The following LAMA2 variants were observed in gnomAD, a reference collection of about 807,000 sequenced individuals.
LAMA2 encodes laminin subunit alpha-2.
Under a neutral mutation model 364.8 loss-of-function variants are expected in LAMA2, and 269 were observed. That is an observed-to-expected ratio of 0.74 (90% confidence interval 0.67 to 0.82). The LOEUF (loss-of-function observed/expected upper bound fraction) is 0.82. LAMA2 is among the 40% of genes least tolerant of loss of function. The pLI is 0.00. For synonymous variants in LAMA2, 1,379 were observed against 1,370.6 expected, an observed-to-expected ratio of 1.01 and a Z score of -0.14; for missense variants, 3,807 against 3,873.2, an observed-to-expected ratio of 0.98 and a Z score of 0.45.
intron 1 of LAMA2, among the ~76,000 whole-genome samples, chr6:128,959,661 C>A (rs544182566): frequency 6.6e-6 from 1 of 152,082 alleles, no homozygotes; most frequent in Non-Finnish European, 1.5e-5. Context: ...CCCAATGAGC[C>A]GCCTCTTGTC....
chr6:129,026,911 A>G (rs1393934550), intron 1 of LAMA2, among the ~76,000 whole-genome samples: 4 of 152,076 alleles, frequency 2.6e-5, no homozygotes, highest in African/African-American at 9.7e-5. Flanking sequence ...TGGTGTTTTG[A>G]CAGCCATCTG....
intron 12 of LAMA2, among the ~76,000 whole-genome samples, chr6:129,206,890 C>T (rs1388113220): frequency 6.6e-6 from 1 of 152,186 alleles, no homozygotes; most frequent in Non-Finnish European, 1.5e-5. Context: ...TGCTTATCTC[C>T]TTGAGGCACA....
intron 4 of LAMA2, among the ~76,000 whole-genome samples, chr6:129,125,352 G>A (rs1268119348): frequency 9.2e-5 from 14 of 152,112 alleles, no homozygotes; most frequent in Admixed American, 3.3e-4. Flanking sequence ...TTAAAGATAC[G>A]AATTAGAGAA....
chr6:129,252,609 C>T lies in LAMA2; in HGVS notation c.2096+314C>T, dbSNP rs149822613. On this transcript the variant is annotated intron_variant, in intron 14 of 64. Transcript: ENST00000421865. ...AAGTCTCCTTTATGATGGCTCATAG[C>T]GTGGGAAGCTAAAAAGATATAAATT... 3.0e-3 allele frequency among the ~76,000 whole-genome samples: 457 copies of T among 152,122 alleles called. 1 individual carries two copies. Among genetic ancestry groups the T allele is most frequent in the Non-Finnish European group, 5.4e-3 (370 of 67,996 alleles).
chr6:129,425,451 A>T (rs554879185), intron 40 of LAMA2, among the ~76,000 whole-genome samples: 166 of 151,810 alleles, frequency 1.1e-3, no homozygotes, highest in African/African-American at 3.9e-3. Context: ...CTTGTATTTT[A>T]GGTTCAAAGG....
intron 4 of LAMA2, among the ~76,000 whole-genome samples, chr6:129,136,541 A>G (rs981343239): frequency 6.6e-6 from 1 of 151,964 alleles, no homozygotes; most frequent in Non-Finnish European, 1.5e-5. Flanking sequence ...GGGAGAGAAG[A>G]GACATGTTCT....
intron 29 of LAMA2, among the ~76,000 whole-genome samples, chr6:129,338,462 C>A (rs575203856): frequency 4.1e-4 from 63 of 152,276 alleles, no homozygotes; most frequent in Admixed American, 7.2e-4. Context: ...TGGAATGGCT[C>A]TTTTATTGCT....
At chr6:129,101,772 A>C (rs368850090) in intron 4 of LAMA2, among the ~76,000 whole-genome samples, 1 of 152,158 alleles carries the variant, frequency 6.6e-6, no homozygotes, top group East Asian at 1.9e-4. Context: ...TTTAGATTGT[A>C]CCTTTTTATT....
chr6:128,954,477 A>G (rs1186807463), intron 1 of LAMA2, among the ~76,000 whole-genome samples: 1 of 152,108 alleles, frequency 6.6e-6, no homozygotes, highest in African/African-American at 2.4e-5. Flanking sequence ...CTCTTTAAAA[A>G]AAATACCTGC....
At chr6:129,299,020 T>C (rs1223145630) in intron 21 of LAMA2, among the ~76,000 whole-genome samples, 5 of 152,100 alleles carry the variant, frequency 3.3e-5, no homozygotes, top group Admixed American at 1.3e-4. Context: ...GGTAGTATTA[T>C]ACATTTAAAT....
At chr6:128,910,978 G>A (rs1777889334) in intron 1 of LAMA2, among the ~76,000 whole-genome samples, 1 of 151,128 alleles carries the variant, frequency 6.6e-6, no homozygotes, top group Non-Finnish European at 1.5e-5. Context: ...CCCACTTGAG[G>A]AGGCAGTCTG....
chr6:128,983,062 G>T lies in LAMA2; in HGVS notation c.113-66856G>T, dbSNP rs375073097. 1.3e-4 allele frequency among the ~76,000 whole-genome samples: 19 copies of T among 151,482 alleles called. No homozygotes were observed. In the East Asian group the frequency reaches 3.1e-3, roughly 25 times the overall value. ...AGTCTTTGCTATTGTGAATAGTGCC[G>T]CAATAAACATACGTGTGCATGTGTC... On this transcript the variant is annotated intron_variant, in intron 1 of 64. Coordinates refer to ENST00000421865, the MANE Select transcript of LAMA2 (RefSeq NM_000426.4).
At chr6:129,201,175 C>T (rs1782260302) in intron 12 of LAMA2, among the ~76,000 whole-genome samples, 1 of 152,076 alleles carries the variant, frequency 6.6e-6, no homozygotes, top group African/African-American at 2.4e-5. Context: ...TTACAATTGC[C>T]CCAAGATTAT....
rs1311187741 is a variant in LAMA2, at chr6:129,105,896, A to C, written c.639+7481A>C. Among the ~76,000 whole-genome samples the C allele has an allele frequency of 2.0e-5, 3 of 152,156 alleles. No homozygotes were observed. In the East Asian group the frequency reaches 5.8e-4, roughly 29 times the overall value. ...AGACTTTTCCCTTTCTTTGACTCACATTATTGCTTTTAATTTATTTGGATT... is the reference window on the plus strand; with the variant it reads ...AGACTTTTCCCTTTCTTTGACTCACCTTATTGCTTTTAATTTATTTGGATT... On this transcript the variant is annotated intron_variant, in intron 4 of 64. Coordinates refer to ENST00000421865, the MANE Select transcript of LAMA2 (RefSeq NM_000426.4).
intron 32 of LAMA2, among the ~76,000 whole-genome samples, chr6:129,364,317 T>C (rs373809679): frequency 6.6e-6 from 1 of 152,318 alleles, no homozygotes; most frequent in South Asian, 2.1e-4. Flanking sequence ...TTTAGAGACC[T>C]AATTGAATTC....
chr6:129,380,314 G>A (rs930687565), intron 34 of LAMA2, among the ~76,000 whole-genome samples: 3 of 152,096 alleles, frequency 2.0e-5, no homozygotes, highest in Admixed American at 2.0e-4. Flanking sequence ...TGGTAATAAG[G>A]TTGGCAAGAT....
At chr6:129,291,929 T>C (rs1426667364) in intron 20 of LAMA2, among the ~76,000 whole-genome samples, 1 of 152,224 alleles carries the variant, frequency 6.6e-6, no homozygotes, top group Non-Finnish European at 1.5e-5. Context: ...ACATTTTTTT[T>C]TGGCAGTGAA....
intron 1 of LAMA2, among the ~76,000 whole-genome samples, chr6:128,964,101 A>T (rs1262551742): frequency 2.0e-5 from 3 of 152,090 alleles, no homozygotes. Context: ...AAGAGAAATC[A>T]TTAAAGCCTG....
intron 1 of LAMA2, among the ~76,000 whole-genome samples, chr6:128,974,591 C>T (rs1034571536): frequency 6.6e-6 from 1 of 152,122 alleles, no homozygotes; most frequent in African/African-American, 2.4e-5. Context: ...TCAGATGTGT[C>T]CCCCAAAGTT....
Sources: allele counts gnomAD v4.1 joint callset (sites outside exome capture counted in the v4.1 genomes callset), GRCh38; gene constraint gnomAD v4.1.1; transcripts MANE v1.5; gene names NCBI Gene and HGNC (gene_info 2026-07-23, HGNC 2026-07-21).